The following HIP1 variants were observed in gnomAD, a reference collection of about 807,000 sequenced individuals.
HIP1 encodes huntingtin interacting protein 1, also known as huntingtin-interacting protein 1.
In HIP1, 65 loss-of-function variants were observed where a neutral mutation model predicts 147.6. The observed-to-expected ratio is 0.44, with a 90% CI of 0.36 to 0.54. HIP1 has a LOEUF of 0.54. Ranked by LOEUF, HIP1 falls within the 20% of genes least tolerant of loss-of-function variation. The pLI is 0.00. For missense variants in HIP1, 1,061 were observed against 1,299.6 expected (o/e 0.82, Z 2.82); for synonymous variants, 479 against 504.0 (o/e 0.95, Z 0.67).
At chr7:75,599,072 T>C (rs936126411) in intron 2 of HIP1, 112 bp downstream of exon 2, 1 of 765,564 alleles carries the variant, frequency 1.3e-6, no homozygotes, top group Non-Finnish European at 2.3e-6. Flanking sequence ...GGACCTGGCC[T>C]GTGCAGGGTT....
At chr7:75,593,460 A>G (rs1455966707) in intron 2 of HIP1, among the ~76,000 whole-genome samples, 1 of 151,722 alleles carries the variant, frequency 6.6e-6, no homozygotes, top group African/African-American at 2.4e-5. Context: ...GCGAAACTCC[A>G]TCTCTACTAA....
At chr7:75,592,660 G>A in intron 2 of HIP1, 146 bp from the exon 3 acceptor site, 1 of 806,518 alleles carries the variant, frequency 1.2e-6, no homozygotes, top group African/African-American at 1.7e-5. Flanking sequence ...AGGGGACCAA[G>A]CCTGCACACA....
chr7:75,585,779 G>A (rs1554499508), intron 5 of HIP1, among the ~76,000 whole-genome samples: 3 of 151,600 alleles, frequency 2.0e-5, no homozygotes, highest in African/African-American at 7.3e-5. Context: ...GCAGCTGCTC[G>A]CCTCCCCCAC....
At chr7:75,696,633 CT>C (rs1447231055) in intron 1 of HIP1, among the ~76,000 whole-genome samples, 4 of 145,184 alleles carry the variant, frequency 2.8e-5, no homozygotes, top group African/African-American at 1.0e-4. Context: ...CAGGGTCTCA[CT>C]CTGTTGCCCA....
chr7:75,605,582 A>G (rs942833534), intron 1 of HIP1, among the ~76,000 whole-genome samples: 6 of 151,914 alleles, frequency 3.9e-5, no homozygotes, highest in South Asian at 2.1e-4. Context: ...GCCCAGGCTG[A>G]AGTGCAATGG....
chr7:75,601,613 CAACA>C (rs1257791690), intron 1 of HIP1, among the ~76,000 whole-genome samples: 1 of 109,088 alleles, frequency 9.2e-6, no homozygotes, highest in East Asian at 2.1e-4. Context: ...TCAACAACAA[CAACA>C]AAAAAAAAAA....
intron 1 of HIP1, among the ~76,000 whole-genome samples, chr7:75,672,787 T>C (rs1554515486): frequency 2.0e-5 from 3 of 152,226 alleles, no homozygotes; most frequent in African/African-American, 7.2e-5. Context: ...TTTCCCTCTA[T>C]GAGTTTTATA....
chr7:75,595,516 T>G (rs1796710624), intron 2 of HIP1, among the ~76,000 whole-genome samples: 1 of 150,964 alleles, frequency 6.6e-6, no homozygotes, highest in African/African-American at 2.4e-5. Flanking sequence ...CTAATTTTTG[T>G]TTTTTTTAGT....
chr7:75,631,945 G>A (rs1798236411), intron 1 of HIP1, among the ~76,000 whole-genome samples: 2 of 152,080 alleles, frequency 1.3e-5, no homozygotes, highest in African/African-American at 2.4e-5. Context: ...GGGAGAGATA[G>A]TGTGATGGGG....
At chr7:75,557,848 A>C in intron 15 of HIP1, 78 bp from the exon 16 acceptor site, 1 of 1,082,830 alleles carries the variant, frequency 9.2e-7, no homozygotes, top group Non-Finnish European at 1.4e-6. Flanking sequence ...AATCATACTC[A>C]GGCTGTGCGT....
intron 1 of HIP1, among the ~76,000 whole-genome samples, chr7:75,660,269 G>A (rs1799271540): frequency 6.7e-6 from 1 of 150,182 alleles, no homozygotes; most frequent in Non-Finnish European, 1.5e-5. Flanking sequence ...GTTCATGCCT[G>A]TAATCCCAGC....
intron 8 of HIP1, among the ~76,000 whole-genome samples, chr7:75,571,837 G>GC (rs782449989): frequency 1.3e-5 from 2 of 152,268 alleles, no homozygotes; most frequent in East Asian, 1.9e-4. Flanking sequence ...GCCTGCATCA[G>GC]CCTCCCAAAG....
At chr7:75,653,374 T>C (rs1488108095) in intron 1 of HIP1, among the ~76,000 whole-genome samples, 1 of 152,104 alleles carries the variant, frequency 6.6e-6, no homozygotes, top group Non-Finnish European at 1.5e-5. Context: ...AGGTATAGAC[T>C]AGGCATGGTG....
intron 1 of HIP1, among the ~76,000 whole-genome samples, chr7:75,668,366 C>T (rs1216707730): frequency 2.0e-5 from 3 of 152,158 alleles, no homozygotes; most frequent in African/African-American, 7.2e-5. Flanking sequence ...CTCTTGTCGC[C>T]CAGGCTGGAG....
intron 1 of HIP1, among the ~76,000 whole-genome samples, chr7:75,666,786 A>C (rs1220553948): frequency 6.6e-6 from 1 of 152,192 alleles, no homozygotes; most frequent in Admixed American, 6.6e-5. Context: ...ACCAGAGGAA[A>C]GAAACTAAGG....
At chr7:75,577,857 G>A (rs940754733) in intron 7 of HIP1, among the ~76,000 whole-genome samples, 6 of 152,076 alleles carry the variant, frequency 3.9e-5, no homozygotes, top group Non-Finnish European at 8.8e-5. Flanking sequence ...AAAATTAGCC[G>A]GGCGTGGTGG....
At chr7:75,555,580 T>A in intron 18 of HIP1, 29 bp from the exon 19 acceptor site, 1 of 1,613,396 alleles carries the variant, frequency 6.2e-7, no homozygotes, top group Non-Finnish European at 8.5e-7. Flanking sequence ...GGTGAGAGTC[T>A]GCCCTAGACT....
chr7:75,637,061 C>A (rs1554509776), intron 1 of HIP1, among the ~76,000 whole-genome samples: 1 of 152,152 alleles, frequency 6.6e-6, no homozygotes, highest in Non-Finnish European at 1.5e-5. Flanking sequence ...CCTTCTCAGA[C>A]CCCCATGGTC....
intron 4 of HIP1, among the ~76,000 whole-genome samples, chr7:75,591,725 A>G (rs1273658805): frequency 2.7e-5 from 4 of 149,882 alleles, no homozygotes; most frequent in African/African-American, 9.8e-5. Context: ...TCTCTACCAA[A>G]AAAAAAAAAA....
Sources: allele counts gnomAD v4.1 joint callset (sites outside exome capture counted in the v4.1 genomes callset), GRCh38; gene constraint gnomAD v4.1.1; transcripts MANE v1.5; gene names NCBI Gene and HGNC (gene_info 2026-07-23, HGNC 2026-07-21).